Variants in DPP6 observed in about 807,000 individuals in gnomAD.
DPP6 encodes the protein dipeptidyl peptidase like 6.
Under a neutral mutation model 122.6 loss-of-function variants are expected in DPP6, and 69 were observed. The ratio of observed to expected loss-of-function variants is 0.56; its 90% CI spans 0.46 to 0.69. The LOEUF (loss-of-function observed/expected upper bound fraction) is 0.69. DPP6 is among the 30% of genes least tolerant of loss of function. DPP6 has a pLI of 0.00. For synonymous variants in DPP6, 418 were observed against 433.1 expected, an observed-to-expected ratio of 0.97 and a Z score of 0.43; for missense variants, 928 against 1,116.9, an observed-to-expected ratio of 0.83 and a Z score of 2.41.
chr7:154,605,654 C>G (rs986808069), intron 5 of DPP6, among the ~76,000 whole-genome samples: 1 of 119,070 alleles, frequency 8.4e-6, no homozygotes, highest in Non-Finnish European at 1.9e-5. Flanking sequence ...TCTCAAAGAC[C>G]TATAGTTTGG....
At chr7:154,568,817 A>G (rs1020932132) in intron 5 of DPP6, among the ~76,000 whole-genome samples, 7 of 152,182 alleles carry the variant, frequency 4.6e-5, no homozygotes, top group South Asian at 4.1e-4. Context: ...TTTGAAGTGT[A>G]TTTACAGAAC....
At chr7:153,906,596 A>T (rs1799861890) in intron 1 of DPP6, among the ~76,000 whole-genome samples, 1 of 152,098 alleles carries the variant, frequency 6.6e-6, no homozygotes, top group African/African-American at 2.4e-5. Context: ...GACCACAGGC[A>T]CATCTTACCA....
chr7:154,874,036 G>A (rs1011352326), intron 19 of DPP6, among the ~76,000 whole-genome samples: 4 of 139,412 alleles, frequency 2.9e-5, no homozygotes, highest in East Asian at 2.7e-4. Context: ...GTGTGCATAC[G>A]CATCCACATG....
At chr7:154,553,774 G>C (rs1046311244) in intron 4 of DPP6, among the ~76,000 whole-genome samples, 2 of 151,966 alleles carry the variant, frequency 1.3e-5, no homozygotes, top group Admixed American at 1.3e-4. Flanking sequence ...GGAAGCCACC[G>C]CTTCAAACAC....
intron 1 of DPP6, among the ~76,000 whole-genome samples, chr7:154,272,482 C>T (rs1230276750): frequency 6.6e-6 from 1 of 152,194 alleles, no homozygotes; most frequent in African/African-American, 2.4e-5. Context: ...ACTGTACTTG[C>T]TACTAAAATT....
intron 1 of DPP6, among the ~76,000 whole-genome samples, chr7:154,371,388 AAAAAAAAAAAAAAAAAG>A (rs1408681874): frequency 0.013 from 1,931 of 146,916 alleles, 56 homozygotes; most frequent in African/African-American, 0.046. Context: ...CAAAAAAAAA[AAAAAAAAAAAAAAAAAG>A]AAAGAAAGAA....
chr7:154,220,021 T>G (rs956629779), intron 1 of DPP6, among the ~76,000 whole-genome samples: 3 of 152,218 alleles, frequency 2.0e-5, no homozygotes, highest in Non-Finnish European at 2.9e-5. Context: ...GCCTTTCACC[T>G]GTGCTTTATA....
chr7:153,749,019 A>C, the DPP6 span, among the ~76,000 whole-genome samples: 888 of 151,380 alleles, frequency 5.9e-3, 2 homozygotes, highest in African/African-American at 0.02. This position sits in a 1 kb window ranked among gnomAD's most constrained non-coding sequence, Gnocchi z 4.1. Flanking sequence ...GTAAGGGACC[A>C]GCGACGGAGG....
the DPP6 span, among the ~76,000 whole-genome samples, chr7:153,839,750 C>A: frequency 6.6e-6 from 1 of 152,232 alleles, no homozygotes; most frequent in African/African-American, 2.4e-5. Flanking sequence ...TCCTTTGCAT[C>A]ACAGTCACTT....
At chr7:153,892,387 C>G (rs1799240375) in intron 1 of DPP6, among the ~76,000 whole-genome samples, 1 of 152,058 alleles carries the variant, frequency 6.6e-6, no homozygotes. Flanking sequence ...AGTCTCAGCT[C>G]ACTGCAGCCT....
intron 1 of DPP6, among the ~76,000 whole-genome samples, chr7:154,324,846 T>C (rs1166135489): frequency 6.7e-6 from 1 of 149,228 alleles, no homozygotes; most frequent in Non-Finnish European, 1.5e-5. Flanking sequence ...TTTCTTTCTT[T>C]CTTTCTTCTT....
At chr7:153,989,836 T>C (rs550110532) in intron 1 of DPP6, among the ~76,000 whole-genome samples, 124 of 151,832 alleles carry the variant, frequency 8.2e-4, no homozygotes, top group African/African-American at 2.9e-3. Context: ...CATGTCCAAT[T>C]ACACAGGGCT....
chr7:154,062,666 C>T lies in DPP6; in HGVS notation c.243+9603C>T, dbSNP rs532288080. Among the ~76,000 whole-genome samples the T allele has an allele frequency of 1.8e-4, 11 of 60,384 alleles. 2 individuals are homozygous for T. The highest frequency in any genetic ancestry group is 2.3e-4 in the Non-Finnish European group (8 of 34,096). 39.6% of individuals were successfully genotyped at this position (60,384 alleles called of 152,430 possible). ...TCGCAGGAGGGGGAGGCACCCCCCG[C>T]GAGGGTGGGGACTGAGAGCTATCCT... On this transcript the variant is annotated intron_variant, in intron 1 of 25. Transcript: ENST00000377770.
At chr7:154,091,790 C>T (rs397833026) in intron 1 of DPP6, among the ~76,000 whole-genome samples, 4,938 of 150,604 alleles carry the variant, frequency 0.033, 318 homozygotes, top group African/African-American at 0.12. Context: ...ATGAAGAGAC[C>T]GGGTCAGTAA....
In DPP6 at chr7:154,876,105, G is replaced by T; in HGVS notation, c.2078+5G>T. 1 of 1,574,532 alleles carries T rather than the reference G, an allele frequency of 6.4e-7. No homozygotes were observed. Among genetic ancestry groups the T allele is most frequent in the Non-Finnish European group, 8.6e-7 (1 of 1,159,594 alleles). ...GGACCAGATGGAGGCCGTGCGGTGA[G>T]CACCCGCCCAGGAAGCAGGAGAGGC... On this transcript the variant is annotated splice_donor_5th_base_variant and intron_variant, in intron 20 of 25. Coordinates refer to ENST00000377770, the MANE Select transcript of DPP6 (RefSeq NM_130797.4).
intron 1 of DPP6, among the ~76,000 whole-genome samples, chr7:154,135,122 AC>A (rs907192393): frequency 2.0e-5 from 3 of 150,830 alleles, no homozygotes; most frequent in Non-Finnish European, 4.4e-5. Context: ...TCCTATGTGT[AC>A]ACTTCCTTTG....
At chr7:153,968,237 C>T (rs1013807201) in intron 1 of DPP6, among the ~76,000 whole-genome samples, 2 of 150,336 alleles carry the variant, frequency 1.3e-5, no homozygotes, top group Non-Finnish European at 1.5e-5. Flanking sequence ...AAAAAACCAT[C>T]GAGTTGGTAT....
At chr7:153,779,028 C>A in the DPP6 span, among the ~76,000 whole-genome samples, 6 of 146,844 alleles carry the variant, frequency 4.1e-5, no homozygotes, top group East Asian at 1.2e-3. Flanking sequence ...ATGCATGAAG[C>A]AAAATGGATG....
At chr7:153,977,726 A>G (rs1325182470) in intron 1 of DPP6, among the ~76,000 whole-genome samples, 1 of 151,680 alleles carries the variant, frequency 6.6e-6, no homozygotes, top group Non-Finnish European at 1.5e-5. Flanking sequence ...CCCCCGACAG[A>G]CCCCAGTGTG....
Sources: allele counts gnomAD v4.1 joint callset (sites outside exome capture counted in the v4.1 genomes callset), GRCh38; gene constraint gnomAD v4.1.1; non-coding constraint Gnocchi (gnomAD v3.1); transcripts MANE v1.5; gene names NCBI Gene and HGNC (gene_info 2026-07-23, HGNC 2026-07-21).